The following WIPF3 variants were observed in gnomAD, a reference collection of about 807,000 sequenced individuals.
WIPF3 encodes WAS/WASL-interacting protein family member 3.
Under a neutral mutation model 38.9 loss-of-function variants are expected in WIPF3, and 33 were observed. That is an observed-to-expected ratio of 0.85 (90% CI 0.64 to 1.14). WIPF3 has a LOEUF of 1.14. Ranked by LOEUF, WIPF3 falls within the 50% of genes most tolerant of loss-of-function variation. The pLI is 0.00. For missense variants in WIPF3, 711 were observed against 652.5 expected, an observed-to-expected ratio of 1.09 and a Z score of -0.98; for synonymous variants, 324 against 269.3, an observed-to-expected ratio of 1.20 and a Z score of -1.99.
In WIPF3 at chr7:29,904,310, A is replaced by G. The variant is rs749318574; in HGVS notation, c.1376A>G (p.Gln459Arg). The change falls in exon 8 of 9, where the codon CAA (glutamine) becomes CGA (arginine). Residue 459 changes from glutamine (Q) to arginine (R), a missense_variant. Coordinates refer to ENST00000242140, the MANE Select transcript of WIPF3 (RefSeq NM_001080529.3). Reference protein sequence around the residue: ...PRSRTPGPWLQAEAVGQSSDD... With the variant: ...PRSRTPGPWLRAEAVGQSSDD... ...GGCCGTACACCTGGTCCCTGGCTCC[A>G]AGCGGAAGCAGTCGGGCAGAGCTCT... 6.8e-6 allele frequency: 11 copies of G among 1,613,934 alleles called. No homozygotes were observed. The highest frequency in any genetic ancestry group is 9.3e-6 in the Non-Finnish European group (11 of 1,179,854).
At chr7:29,871,892 C>T (rs1210479433) in intron 2 of WIPF3, among the ~76,000 whole-genome samples, 9 of 152,162 alleles carry the variant, frequency 5.9e-5, no homozygotes, top group East Asian at 1.9e-4. Flanking sequence ...GTCTATTCTA[C>T]GATGGTTCAT....
chr7:29,808,217 G>A (rs755733489), intron 1 of WIPF3, among the ~76,000 whole-genome samples: 1 of 152,196 alleles, frequency 6.6e-6, no homozygotes, highest in Non-Finnish European at 1.5e-5. Flanking sequence ...CACACAGATT[G>A]CTGCAGTTTT....
chr7:29,889,455 A>C, intron 7 of WIPF3, 48 bp downstream of exon 7: 2 of 1,434,104 alleles, frequency 1.4e-6, no homozygotes, highest in South Asian at 2.3e-5. Context: ...ACCCTTCAAA[A>C]TTAGGTGCCC....
At chr7:29,841,309 C>T (rs548181305) in intron 2 of WIPF3, among the ~76,000 whole-genome samples, 1 of 152,236 alleles carries the variant, frequency 6.6e-6, no homozygotes, top group East Asian at 1.9e-4. Context: ...TACCTCTCTC[C>T]CCTCACCCCT....
intron 2 of WIPF3, among the ~76,000 whole-genome samples, chr7:29,865,961 C>T (rs1324876269): frequency 2.0e-5 from 3 of 152,154 alleles, no homozygotes; most frequent in African/African-American, 7.2e-5. Flanking sequence ...GAGTTCAAGA[C>T]CAGCCTGGCC....
intron 7 of WIPF3, among the ~76,000 whole-genome samples, chr7:29,893,225 A>G (rs1435212781): frequency 6.6e-6 from 1 of 152,012 alleles, no homozygotes. Context: ...GGAGAATGTG[A>G]CACCAAGAAG....
At chr7:29,882,819 T>C (rs1785749884) in intron 4 of WIPF3, among the ~76,000 whole-genome samples, 1 of 152,128 alleles carries the variant, frequency 6.6e-6, no homozygotes, top group Admixed American at 6.6e-5. Context: ...GATTATAAAA[T>C]ATAGGGGAAA....
chr7:29,847,103 G>T (rs1198773433), intron 2 of WIPF3, among the ~76,000 whole-genome samples: 1 of 152,232 alleles, frequency 6.6e-6, no homozygotes, highest in Non-Finnish European at 1.5e-5. Context: ...TAGAGTTATT[G>T]TGAGGATCCC....
intron 8 of WIPF3, among the ~76,000 whole-genome samples, chr7:29,910,736 TTCTC>T (rs894579730): frequency 6.6e-6 from 1 of 151,900 alleles, no homozygotes; most frequent in African/African-American, 2.4e-5. Context: ...ATAAAAAAAA[TTCTC>T]AATAAACTAG....
At chr7:29,833,346 T>A (rs1052782158) in intron 1 of WIPF3, among the ~76,000 whole-genome samples, 2 of 152,258 alleles carry the variant, frequency 1.3e-5, no homozygotes, top group African/African-American at 4.8e-5. Context: ...TTAGAACCTG[T>A]TAAGCCTTGG....
chr7:29,861,041 G>C (rs1299216949), intron 2 of WIPF3, among the ~76,000 whole-genome samples: 1 of 152,086 alleles, frequency 6.6e-6, no homozygotes, highest in Non-Finnish European at 1.5e-5. Context: ...TGCAGGCCTG[G>C]GGCTGCACAC....
chr7:29,864,629 G>A (rs1421931147), intron 2 of WIPF3, among the ~76,000 whole-genome samples: 2 of 152,186 alleles, frequency 1.3e-5, no homozygotes, highest in Non-Finnish European at 2.9e-5. Context: ...TACTCTCAAC[G>A]CTTTAATAGG....
chr7:29,891,305 G>C (rs542190705), intron 7 of WIPF3, among the ~76,000 whole-genome samples: 1 of 146,766 alleles, frequency 6.8e-6, no homozygotes, highest in African/African-American at 2.5e-5. Flanking sequence ...TGGGGAACAC[G>C]GGCCTGCCCT....
rs114605296 is a variant in WIPF3 at position 29,840,100 on chromosome 7, C to T, written c.90+5286C>T. Among the ~76,000 whole-genome samples, 1,080 of 152,290 alleles carry T rather than the reference C, an allele frequency of 7.1e-3. 18 individuals carry two copies. Among genetic ancestry groups the T allele is most frequent in the African/African-American group, 0.025 (1,041 of 41,544 alleles). ...AAGAGAAGTTTGCCAACACCTGTCC[C>T]GCAGTCAGCTGGGCTCATTCAGCCT... On this transcript the variant is annotated intron_variant, in intron 2 of 8. Coordinates refer to ENST00000242140, the MANE Select transcript of WIPF3 (RefSeq NM_001080529.3).
intron 8 of WIPF3, chr7:29,912,651 G>A (rs1002516198): frequency 1.0e-5 from 2 of 197,324 alleles, no homozygotes; most frequent in Non-Finnish European, 2.2e-5. Flanking sequence ...GAAAAATAAA[G>A]TAAAATGTAG....
chr7:29,889,177 A>C, intron 6 of WIPF3, 129 bp from the exon 7 acceptor site: 1 of 704,584 alleles, frequency 1.4e-6, no homozygotes, highest in South Asian at 1.8e-5. Flanking sequence ...TGTTGTTAAA[A>C]TCCTTGCACT....
chr7:29,854,312 A>G (rs995108581), intron 2 of WIPF3, among the ~76,000 whole-genome samples: 1 of 152,166 alleles, frequency 6.6e-6, no homozygotes, highest in Non-Finnish European at 1.5e-5. Context: ...CTATTATAAG[A>G]CCCTCAAAAG....
At position 29,823,220 on chromosome 7, in the gene WIPF3, C is replaced by T. The variant is rs934662723; in HGVS notation, c.-57-11448C>T. 6.6e-6 allele frequency among the ~76,000 whole-genome samples: 1 copy of T among 152,030 alleles called. No individual in the cohort carries two copies. The highest frequency in any genetic ancestry group is 1.5e-5 in the Non-Finnish European group (1 of 68,004). On this transcript the variant is annotated intron_variant, in intron 1 of 8. Transcript: ENST00000242140. This position sits in a 1 kb window ranked among gnomAD's most constrained non-coding sequence, Gnocchi z 4.0. Reference sequence around the variant, plus strand: ...TTGATTGCCTTGCTTTTTGTCATGCCAGAGAAGCCTTTTCTAGTGTGCACT... The same window carrying T: ...TTGATTGCCTTGCTTTTTGTCATGCTAGAGAAGCCTTTTCTAGTGTGCACT...
In WIPF3 at chr7:29,809,328, C is replaced by T. The variant is rs573700022; in HGVS notation, c.-58+2650C>T. On this transcript the variant is annotated intron_variant, in intron 1 of 8. Coordinates refer to ENST00000242140, the MANE Select transcript of WIPF3 (RefSeq NM_001080529.3). ...GTTAAGGGGAGCAATTTAGAAATAG[C>T]TCTGGGTGAGTCCCCTCAGCCCAGT... Among the ~76,000 whole-genome samples the T allele has an allele frequency of 2.7e-4, 41 of 152,334 alleles. No individual in the cohort carries two copies. The South Asian group carries it at 6.8e-3, about 25-fold the overall frequency.
Sources: allele counts gnomAD v4.1 joint callset (sites outside exome capture counted in the v4.1 genomes callset), GRCh38; gene constraint gnomAD v4.1.1; non-coding constraint Gnocchi (gnomAD v3.1); transcripts MANE v1.5; gene names NCBI Gene and HGNC (gene_info 2026-07-23, HGNC 2026-07-21).